Variants in ARK2C observed in about 807,000 individuals in gnomAD.
ARK2C encodes arkadia (RNF111) C-terminal like ring finger ubiquitin ligase 2C, also known as E3 ubiquitin-protein ligase ARK2C.
chr18:46,428,242 C>T, the ARK2C span, among the ~76,000 whole-genome samples: 1 of 152,128 alleles, frequency 6.6e-6, no homozygotes, highest in Non-Finnish European at 1.5e-5. Context: ...AACCCCGTCT[C>T]TACTAAAAAT....
chr18:46,400,995 C>T, the ARK2C span, among the ~76,000 whole-genome samples: 7 of 152,148 alleles, frequency 4.6e-5, no homozygotes, highest in Non-Finnish European at 8.8e-5. Flanking sequence ...TGACCTCCCG[C>T]AAAGCTAAGC....
the ARK2C span, among the ~76,000 whole-genome samples, chr18:46,432,446 T>C: frequency 6.6e-6 from 1 of 152,176 alleles, no homozygotes; most frequent in African/African-American, 2.4e-5. Context: ...CTCTGGGAAT[T>C]AGGGCTCCAT....
the ARK2C span, among the ~76,000 whole-genome samples, chr18:46,406,330 C>T: frequency 6.6e-6 from 1 of 152,214 alleles, no homozygotes; most frequent in East Asian, 1.9e-4. Flanking sequence ...AGCCAGGCAG[C>T]CCACACTTGG....
At chr18:46,372,103 C>T in the ARK2C span, among the ~76,000 whole-genome samples, 1 of 152,124 alleles carries the variant, frequency 6.6e-6, no homozygotes, top group Admixed American at 6.5e-5. Flanking sequence ...AGATGTGAAC[C>T]CTGATGACAG....
At chr18:46,337,064 G>T in the ARK2C span, 11 of 985,154 alleles carry the variant, frequency 1.1e-5, no homozygotes, top group Middle Eastern at 5.2e-4. Context: ...TTTAACAGCC[G>T]GCTCCCTTCT....
the ARK2C span, among the ~76,000 whole-genome samples, chr18:46,403,738 C>T: frequency 2.0e-5 from 3 of 152,146 alleles, no homozygotes; most frequent in East Asian, 1.9e-4. Context: ...ATTAGCCAGG[C>T]GTGGTGGCGG....
the ARK2C span, among the ~76,000 whole-genome samples, chr18:46,400,005 C>A: frequency 1.5e-4 from 23 of 152,304 alleles, no homozygotes; most frequent in South Asian, 4.8e-3. Context: ...GGCCACACCC[C>A]AGGTGTTCTG....
At chr18:46,380,384 G>A in the ARK2C span, among the ~76,000 whole-genome samples, 3 of 152,312 alleles carry the variant, frequency 2.0e-5, no homozygotes, top group South Asian at 6.2e-4. Context: ...GAGGCCCAGA[G>A]GAACTTGCTT....
At chr18:46,441,827 C>T in the ARK2C span, among the ~76,000 whole-genome samples, 4 of 129,958 alleles carry the variant, frequency 3.1e-5, no homozygotes, top group Admixed American at 1.8e-4. Context: ...GCGGAGCTTG[C>T]AGTGAGCCTG....
chr18:46,352,452 G>T, the ARK2C span, among the ~76,000 whole-genome samples: 1 of 152,184 alleles, frequency 6.6e-6, no homozygotes, highest in Non-Finnish European at 1.5e-5. Context: ...GGTTTATTGG[G>T]TCAGATGTAA....
At chr18:46,422,692 A>T in the ARK2C span, among the ~76,000 whole-genome samples, 2 of 152,118 alleles carry the variant, frequency 1.3e-5, no homozygotes, top group African/African-American at 4.8e-5. Context: ...AGGAGGGTAG[A>T]TGTTGCAGGG....
At chr18:46,431,523 T>C in the ARK2C span, among the ~76,000 whole-genome samples, 1 of 152,194 alleles carries the variant, frequency 6.6e-6, no homozygotes, top group Non-Finnish European at 1.5e-5. Context: ...CCTGGGGCTG[T>C]GGAGGGTGCA....
At chr18:46,401,204 G>A in the ARK2C span, among the ~76,000 whole-genome samples, 3 of 152,048 alleles carry the variant, frequency 2.0e-5, no homozygotes, top group African/African-American at 7.2e-5. Flanking sequence ...AGGCCTGTCC[G>A]TGAGTGAGGA....
chr18:46,384,877 A>T, the ARK2C span, among the ~76,000 whole-genome samples: 4 of 152,196 alleles, frequency 2.6e-5, no homozygotes, highest in Non-Finnish European at 5.9e-5. Context: ...AACAAAATTA[A>T]ATATAAAATA....
the ARK2C span, chr18:46,335,097 TGC>T: frequency 6.6e-6 from 1 of 152,012 alleles, no homozygotes; most frequent in Non-Finnish European, 1.5e-5. Context: ...TGTGCGAGTG[TGC>T]GCGCGCGCCT....
At chr18:46,408,947 G>T in the ARK2C span, among the ~76,000 whole-genome samples, 1 of 152,206 alleles carries the variant, frequency 6.6e-6, no homozygotes, top group Non-Finnish European at 1.5e-5. Flanking sequence ...TTGCCTAGCT[G>T]CCCGCAGGAC....
At chr18:46,340,578 T>A in the ARK2C span, among the ~76,000 whole-genome samples, 2 of 152,190 alleles carry the variant, frequency 1.3e-5, no homozygotes, top group Non-Finnish European at 2.9e-5. Context: ...TCCACACGAA[T>A]GGCAGAACGT....
chr18:46,354,230 T>G, the ARK2C span, among the ~76,000 whole-genome samples: 3 of 152,214 alleles, frequency 2.0e-5, no homozygotes, highest in African/African-American at 7.2e-5. Flanking sequence ...AGGGGACACC[T>G]CTTGAAGGAG....
the ARK2C span, among the ~76,000 whole-genome samples, chr18:46,379,561 T>C: frequency 6.6e-6 from 1 of 152,152 alleles, no homozygotes; most frequent in Non-Finnish European, 1.5e-5. Flanking sequence ...CATTTGTTTC[T>C]CTTGAGGCCT....
Sources: gnomAD v4.1 joint callset for allele counts (sites outside exome capture counted in the v4.1 genomes callset) on GRCh38, gnomAD v4.1.1 for gene constraint, MANE v1.5 for transcripts, NCBI Gene and HGNC (gene_info 2026-07-23, HGNC 2026-07-21) for gene names.